CNBD1: variants seen among roughly 807,000 people sequenced by gnomAD.
The protein encoded by CNBD1 is cyclic nucleotide-binding domain-containing protein 1.
In CNBD1, 71 loss-of-function variants were observed where a neutral mutation model predicts 54.4. That is an observed-to-expected ratio of 1.30 (90% confidence interval 1.08 to 1.59). The LOEUF is 1.59. Ranked by LOEUF, CNBD1 falls within the 40% of genes most tolerant of loss-of-function variation. The pLI is 0.00. For synonymous variants in CNBD1, 182 were observed against 170.7 expected (o/e 1.07, Z -0.51); for missense variants, 659 against 518.0 (o/e 1.27, Z -2.64).
intron 10 of CNBD1, among the ~76,000 whole-genome samples, chr8:87,378,615 T>C (rs1278667221): frequency 3.4e-5 from 5 of 148,832 alleles, no homozygotes; most frequent in Admixed American, 1.3e-4. Context: ...TCTTTTGGCT[T>C]AGGATTGACT....
intron 4 of CNBD1, among the ~76,000 whole-genome samples, chr8:86,949,469 T>G (rs1807550794): frequency 6.6e-6 from 1 of 152,170 alleles, no homozygotes; most frequent in African/African-American, 2.4e-5. Context: ...TTTCACATAT[T>G]AGTTAATTCC....
intron 6 of CNBD1, among the ~76,000 whole-genome samples, chr8:87,270,111 A>G (rs1376402958): frequency 6.6e-6 from 1 of 152,044 alleles, no homozygotes; most frequent in Admixed American, 6.6e-5. Flanking sequence ...CAACATACAC[A>G]AATCAATAAA....
chr8:86,916,871 C>T (rs1395776849), intron 3 of CNBD1, among the ~76,000 whole-genome samples: 1 of 134,602 alleles, frequency 7.4e-6, no homozygotes, highest in African/African-American at 2.7e-5. Context: ...GCCCAGCTAA[C>T]TTTTTTTTTT....
chr8:87,361,802 G>A lies in CNBD1; in HGVS notation c.1303+8016G>A, dbSNP rs187565717. Among the ~76,000 whole-genome samples, 586 of 150,670 alleles carry A rather than the reference G, an allele frequency of 3.9e-3. 6 individuals carry two copies. The highest frequency in any genetic ancestry group is 0.014 in the African/African-American group (560 of 40,880). On this transcript the variant is annotated intron_variant, in intron 10 of 10. Transcript: ENST00000518476. ...TGGTTTATAAAGAAATAGATGGGGGGGTAGAATTTGAAATATAAAAAGCAT... is the reference window on the plus strand; with the variant it reads ...TGGTTTATAAAGAAATAGATGGGGGAGTAGAATTTGAAATATAAAAAGCAT...
At chr8:86,942,406 T>A (rs920641267) in intron 4 of CNBD1, among the ~76,000 whole-genome samples, 1 of 152,228 alleles carries the variant, frequency 6.6e-6, no homozygotes, top group Non-Finnish European at 1.5e-5. Flanking sequence ...GAGTGTCCAC[T>A]GGGCTGTGAC....
chr8:86,982,789 G>A (rs1465523984), intron 4 of CNBD1, among the ~76,000 whole-genome samples: 2 of 152,062 alleles, frequency 1.3e-5, no homozygotes, highest in Non-Finnish European at 2.9e-5. Flanking sequence ...GTCTATGTAA[G>A]TATTAGAATC....
chr8:86,995,822 A>C (rs2130536287), intron 4 of CNBD1, among the ~76,000 whole-genome samples: 1 of 152,248 alleles, frequency 6.6e-6, no homozygotes, highest in East Asian at 1.9e-4. Context: ...ACTGAAAGGC[A>C]GATTCCTAAA....
At chr8:87,350,977 A>C (rs892450559) in intron 8 of CNBD1, among the ~76,000 whole-genome samples, 2 of 152,162 alleles carry the variant, frequency 1.3e-5, no homozygotes, top group Admixed American at 6.5e-5. Context: ...AATAATGATA[A>C]TAACATCGAT....
intron 3 of CNBD1, among the ~76,000 whole-genome samples, chr8:86,936,655 A>G (rs1274828950): frequency 6.6e-6 from 1 of 150,894 alleles, no homozygotes; most frequent in East Asian, 2.0e-4. Context: ...AGGCAGGAGA[A>G]TGGTGTGAAC....
intron 6 of CNBD1, among the ~76,000 whole-genome samples, chr8:87,279,473 A>G (rs1048628052): frequency 1.3e-5 from 2 of 151,500 alleles, no homozygotes; most frequent in African/African-American, 4.8e-5. Context: ...CTAAAGCAAT[A>G]CCCTGTATGA....
At chr8:87,136,584 T>C (rs1586281118) in intron 4 of CNBD1, among the ~76,000 whole-genome samples, 1 of 82,602 alleles carries the variant, frequency 1.2e-5, no homozygotes, top group South Asian at 3.3e-4. Context: ...ATATTATATA[T>C]AAATTATATA....
At chr8:86,934,788 A>G (rs1356092753) in intron 3 of CNBD1, among the ~76,000 whole-genome samples, 1 of 152,154 alleles carries the variant, frequency 6.6e-6, no homozygotes, top group Non-Finnish European at 1.5e-5. Context: ...TTCCTGATAT[A>G]TTCCCAAATA....
At chr8:87,039,643 A>G (rs1376673413) in intron 4 of CNBD1, among the ~76,000 whole-genome samples, 2 of 152,198 alleles carry the variant, frequency 1.3e-5, no homozygotes, top group Non-Finnish European at 2.9e-5. Context: ...GAATTGCAAT[A>G]GAGAATGAGT....
chr8:87,126,674 T>C (rs1304880228), intron 4 of CNBD1, among the ~76,000 whole-genome samples: 1 of 151,988 alleles, frequency 6.6e-6, no homozygotes, highest in East Asian at 1.9e-4. Context: ...GTTTTTTTTA[T>C]GGATTGCACA....
intron 3 of CNBD1, among the ~76,000 whole-genome samples, chr8:86,924,721 T>C (rs1809329982): frequency 6.6e-6 from 1 of 152,192 alleles, no homozygotes; most frequent in Non-Finnish European, 1.5e-5. Flanking sequence ...TACTTATTAA[T>C]ATATTGCTAT....
chr8:87,423,562 A>G (rs1345631586), intron 2 of CNBD1, among the ~76,000 whole-genome samples: 1 of 150,268 alleles, frequency 6.7e-6, no homozygotes, highest in Middle Eastern at 3.4e-3. Context: ...GGCTCTGTTT[A>G]TATGCTGGAT....
intron 2 of CNBD1, among the ~76,000 whole-genome samples, chr8:87,421,381 G>C (rs748814884): frequency 6.7e-6 from 1 of 149,896 alleles, no homozygotes; most frequent in Non-Finnish European, 1.5e-5. Context: ...CCACTAACTC[G>C]TCATCTAGCA....
intron 4 of CNBD1, among the ~76,000 whole-genome samples, chr8:87,151,997 C>T (rs555048112): frequency 8.6e-5 from 13 of 151,766 alleles, no homozygotes; most frequent in Non-Finnish European, 1.6e-4. Context: ...TCTTTTTTAT[C>T]ATCTTATTTA....
At chr8:87,233,025 T>C (rs1807478840) in intron 5 of CNBD1, among the ~76,000 whole-genome samples, 2 of 152,202 alleles carry the variant, frequency 1.3e-5, no homozygotes, top group African/African-American at 4.8e-5. Flanking sequence ...TTTAAGATAA[T>C]GTTTGCATTG....
Sources: allele counts gnomAD v4.1 joint callset (sites outside exome capture counted in the v4.1 genomes callset), GRCh38; gene constraint gnomAD v4.1.1; transcripts MANE v1.5; gene names NCBI Gene and HGNC (gene_info 2026-07-23, HGNC 2026-07-21).